The following PSD3 variants were observed in gnomAD, a reference collection of about 807,000 sequenced individuals.
PSD3 encodes pleckstrin and Sec7 domain containing 3.
A neutral mutation model predicts 105.5 loss-of-function variants in PSD3; 49 were observed. The observed-to-expected ratio is 0.46, with a 90% CI of 0.37 to 0.59. PSD3 has a LOEUF of 0.59. Ranked by LOEUF, PSD3 falls within the 20% of genes least tolerant of loss-of-function variation. The pLI is 0.00. For synonymous variants in PSD3, 557 were observed against 457.8 expected, an observed-to-expected ratio of 1.22 and a Z score of -2.77; for missense variants, 1,561 against 1,263.8, an observed-to-expected ratio of 1.24 and a Z score of -3.57.
At chr8:18,922,118 C>A (rs1409035888) in intron 2 of PSD3, among the ~76,000 whole-genome samples, 1 of 152,166 alleles carries the variant, frequency 6.6e-6, no homozygotes, top group African/African-American at 2.4e-5. Context: ...ATAGTTTATT[C>A]AAGGATCCAT....
At chr8:19,047,541 A>G (rs1828365185) in intron 1 of PSD3, among the ~76,000 whole-genome samples, 1 of 152,064 alleles carries the variant, frequency 6.6e-6, no homozygotes. Context: ...GGAAAGGACA[A>G]AGAAGAGGGA....
chr8:18,866,295 C>A (rs1249080938), intron 4 of PSD3, among the ~76,000 whole-genome samples: 2 of 152,254 alleles, frequency 1.3e-5, no homozygotes, highest in Non-Finnish European at 2.9e-5. Context: ...CGCCAGTACT[C>A]TTCCACTGAG....
At chr8:18,597,018 G>A (rs1189676543) in intron 12 of PSD3, among the ~76,000 whole-genome samples, 1 of 152,196 alleles carries the variant, frequency 6.6e-6, no homozygotes, top group East Asian at 1.9e-4. Context: ...AGTACTGCAA[G>A]AAAACTACTT....
At chr8:18,937,388 G>A (rs1430847430) in intron 1 of PSD3, among the ~76,000 whole-genome samples, 2 of 152,206 alleles carry the variant, frequency 1.3e-5, no homozygotes, top group African/African-American at 4.8e-5. Context: ...AGAGAAGCGT[G>A]AAGGGTTTTA....
intron 1 of PSD3, among the ~76,000 whole-genome samples, chr8:18,998,808 A>C (rs1469291793): frequency 7.7e-6 from 1 of 129,902 alleles, no homozygotes; most frequent in East Asian, 2.4e-4. Context: ...ATTATGATGC[A>C]AAGTACAAAG....
At chr8:18,653,336 T>C (rs1585512030) in intron 10 of PSD3, among the ~76,000 whole-genome samples, 1 of 150,552 alleles carries the variant, frequency 6.6e-6, no homozygotes, top group Admixed American at 6.6e-5. Context: ...TCTATGTATA[T>C]GCATATGAAC....
chr8:19,066,782 A>G (rs1829088555), intron 1 of PSD3, among the ~76,000 whole-genome samples: 1 of 152,140 alleles, frequency 6.6e-6, no homozygotes, highest in East Asian at 1.9e-4. Context: ...ATGCCCACCC[A>G]CCCATAATAA....
rs781136084 is a variant in PSD3 at position 18,535,824 on chromosome 8, G to A, written c.3063C>T (p.Ile1021=). 5 of 1,614,024 alleles carry A rather than the reference G, an allele frequency of 3.1e-6. No individual in the cohort carries two copies. The highest frequency in any genetic ancestry group is 4.2e-6 in the Non-Finnish European group (5 of 1,180,004). ...SPSLNPDTSP[I]TAKVKRNVSE... Reference sequence around the variant, plus strand: ...ACACGTTACGCTTGACTTTGGCAGTGATTGGAGAAGTATCCGGGTTCAGCG... The same window carrying A: ...ACACGTTACGCTTGACTTTGGCAGTAATTGGAGAAGTATCCGGGTTCAGCG... Residue 1021 remains isoleucine, a synonymous_variant, in exon 16 of 16, where the codon ATC becomes ATT. Transcript: ENST00000327040.
At chr8:18,896,530 C>G (rs1819161011) in intron 2 of PSD3, among the ~76,000 whole-genome samples, 1 of 152,172 alleles carries the variant, frequency 6.6e-6, no homozygotes, top group Non-Finnish European at 1.5e-5. Context: ...TCTCCCACCT[C>G]AGCCTCCCAA....
At chr8:18,882,900 T>G (rs1818209571) in intron 2 of PSD3, among the ~76,000 whole-genome samples, 1 of 151,914 alleles carries the variant, frequency 6.6e-6, no homozygotes, top group African/African-American at 2.4e-5. Flanking sequence ...TATATCTGTA[T>G]AGTGGAGTAT....
intron 1 of PSD3, among the ~76,000 whole-genome samples, chr8:19,065,969 T>G (rs181001823): frequency 6.6e-6 from 1 of 151,546 alleles, no homozygotes; most frequent in East Asian, 1.9e-4. Flanking sequence ...AAGACCACTT[T>G]GGAAATTCTA....
intron 4 of PSD3, among the ~76,000 whole-genome samples, chr8:18,812,322 C>T (rs1325422206): frequency 6.6e-6 from 1 of 152,158 alleles, no homozygotes; most frequent in Non-Finnish European, 1.5e-5. Context: ...TGGGGAACGA[C>T]TTTGTTGTTT....
intron 2 of PSD3, among the ~76,000 whole-genome samples, chr8:18,878,277 G>T (rs1381839903): frequency 1.3e-5 from 2 of 151,988 alleles, no homozygotes; most frequent in African/African-American, 4.8e-5. Context: ...TGCTGTATGT[G>T]AATCTTATAT....
At chr8:18,550,893 A>G (rs1800727499) in intron 15 of PSD3, among the ~76,000 whole-genome samples, 2 of 152,198 alleles carry the variant, frequency 1.3e-5, no homozygotes, top group Admixed American at 6.5e-5. Context: ...TCTTCTGTAA[A>G]GGAGATAGCA....
intron 11 of PSD3, among the ~76,000 whole-genome samples, chr8:18,629,142 C>A (rs1301040423): frequency 1.1e-4 from 16 of 151,832 alleles, no homozygotes; most frequent in Non-Finnish European, 2.4e-4. Context: ...ACTAAAGTGG[C>A]TGTATTAATA....
intron 14 of PSD3, among the ~76,000 whole-genome samples, chr8:18,563,268 T>C (rs1026558662): frequency 1.3e-5 from 2 of 152,190 alleles, no homozygotes; most frequent in Non-Finnish European, 2.9e-5. Flanking sequence ...GTCTCACCTG[T>C]TTTTATAATG....
rs114508745 is a variant in PSD3, at chr8:18,861,832, T to G, written c.1634+5842A>C. Among the ~76,000 whole-genome samples, 793 of 152,270 alleles carry G rather than the reference T, an allele frequency of 5.2e-3. 6 individuals carry two copies. The highest frequency in any genetic ancestry group is 0.018 in the African/African-American group (751 of 41,554). ...AACTGCACATTGGTTGATAAGGCTATTTCCATCTTACCAATAAGCAATCAG... is the reference window on the plus strand; with the variant it reads ...AACTGCACATTGGTTGATAAGGCTAGTTCCATCTTACCAATAAGCAATCAG... On this transcript the variant is annotated intron_variant, in intron 4 of 15. Coordinates refer to ENST00000327040, the MANE Select transcript of PSD3 (RefSeq NM_015310.4).
At chr8:18,727,391 C>T (rs1803407918) in intron 9 of PSD3, among the ~76,000 whole-genome samples, 1 of 149,708 alleles carries the variant, frequency 6.7e-6, no homozygotes, top group Non-Finnish European at 1.5e-5. Flanking sequence ...CACCTGTAAT[C>T]GCAGCTACTT....
At chr8:18,792,350 G>C (rs1011744766) in intron 8 of PSD3, among the ~76,000 whole-genome samples, 2 of 152,286 alleles carry the variant, frequency 1.3e-5, no homozygotes, top group East Asian at 3.9e-4. Flanking sequence ...AGAAAATGTA[G>C]TACATATACA....
Sources: allele counts gnomAD v4.1 joint callset (sites outside exome capture counted in the v4.1 genomes callset), GRCh38; gene constraint gnomAD v4.1.1; transcripts MANE v1.5; gene names NCBI Gene and HGNC (gene_info 2026-07-23, HGNC 2026-07-21).